UBE2D4: variants seen among roughly 807,000 people sequenced by gnomAD.
UBE2D4 encodes ubiquitin-conjugating enzyme E2 D4.
UBE2D4 carries 17 observed loss-of-function variants against 23.0 expected under a neutral mutation model. The observed-to-expected ratio is 0.74, with a 90% CI of 0.51 to 1.11. The LOEUF (loss-of-function observed/expected upper bound fraction) is 1.11. Among genes scored for constraint, UBE2D4 ranks in the 50% least tolerant of loss-of-function variants. UBE2D4 has a pLI of 0.00. For missense variants in UBE2D4, 139 were observed against 181.8 expected, an observed-to-expected ratio of 0.76 and a Z score of 1.35; for synonymous variants, 61 against 69.4, an observed-to-expected ratio of 0.88 and a Z score of 0.60.
At position 43,949,246 on chromosome 7, in the gene UBE2D4, G is replaced by T. The variant is rs534521981; in HGVS notation, c.304+509G>T. ...ACCAGTCTAAACTGAGCTTAGAAAT[G>T]CAGATATTCCTTCTGAATTAAGATG... is the stretch of plus-strand genomic sequence containing the variant. On this transcript the variant is annotated intron_variant, in intron 5 of 6. Transcript: ENST00000222402. 1.5e-4 allele frequency: 25 copies of T among 163,490 alleles called. No homozygotes were observed. In the South Asian group the frequency reaches 4.2e-3, roughly 27 times the overall value. The allele number at this position is 163,490 out of a possible 1,614,324, so 10.1% of individuals were successfully genotyped here.
chr7:43,936,709 T>C (rs1340660122), intron 1 of UBE2D4, among the ~76,000 whole-genome samples: 1 of 152,226 alleles, frequency 6.6e-6, no homozygotes, highest in Non-Finnish European at 1.5e-5. Flanking sequence ...ACCACTATTA[T>C]CTTGATATTT....
At position 43,944,868 on chromosome 7, in the gene UBE2D4, G is replaced by GGCAT. The variant is rs2095982050; in HGVS notation, c.198+1837_198+1838insGCAT. The GGCAT allele has an allele frequency of 6.6e-6, 1 of 152,204 alleles. No homozygotes were observed. Among genetic ancestry groups the GGCAT allele is most frequent in the Admixed American group, 6.5e-5 (1 of 15,282 alleles). 9.4% of individuals were successfully genotyped at this position (152,204 alleles called of 1,614,324 possible). ...TCTAGCTTGTCTCTTTCATTACTGT[G>GGCAT]TGAGCAGCTGAGGATTTTCCTTAAA... On this transcript the variant is annotated intron_variant, in intron 4 of 6. Coordinates refer to ENST00000222402, the MANE Select transcript of UBE2D4 (RefSeq NM_015983.4). This position sits in a 1 kb window ranked among gnomAD's most constrained non-coding sequence, Gnocchi z 4.0.
In UBE2D4 at chr7:43,954,867, T is replaced by C. The variant is rs1427340559; in HGVS notation, c.*2172T>C. On this transcript the variant is annotated 3_prime_UTR_variant, in exon 7 of 7. Transcript: ENST00000222402. ...GGGAAAATTAAGGCCCAACTTGGTG[T>C]TGGGGAATAACCATACTCTGGTCTT... is the stretch of plus-strand genomic sequence containing the variant. 6.6e-6 allele frequency: 1 copy of C among 152,188 alleles called. No individual in the cohort carries two copies. Among genetic ancestry groups the C allele is most frequent in the Non-Finnish European group, 1.5e-5 (1 of 68,038 alleles). The allele number at this position is 152,188 out of a possible 1,614,324, so 9.4% of individuals were successfully genotyped here.
rs187204892 is a variant in UBE2D4 at position 43,950,837 on chromosome 7, G to A, written c.398+145G>A. 124 of 669,506 alleles carry A rather than the reference G, an allele frequency of 1.9e-4. No individual in the cohort carries two copies. The East Asian group carries it at 3.1e-3, about 17-fold the overall frequency. The allele number at this position is 669,506 out of a possible 1,614,324, so 41.5% of individuals were successfully genotyped here. On this transcript the variant is annotated intron_variant, in intron 6 of 6. Transcript: ENST00000222402. Reference sequence around the variant, plus strand: ...GCTGAGCCATGTGCACAGAGGGTGTGCCCTGGGCTTGGACTCCTGGCTCTC... The same window carrying A: ...GCTGAGCCATGTGCACAGAGGGTGTACCCTGGGCTTGGACTCCTGGCTCTC...
At chr7:43,947,552 A>G (rs535809088) in intron 4 of UBE2D4, among the ~76,000 whole-genome samples, 5 of 152,330 alleles carry the variant, frequency 3.3e-5, no homozygotes, top group South Asian at 4.1e-4. Context: ...TCCATGGTGT[A>G]TATATGCCAC....
At chr7:43,930,949 C>A (rs1359451497) in intron 1 of UBE2D4, among the ~76,000 whole-genome samples, 2 of 151,778 alleles carry the variant, frequency 1.3e-5, no homozygotes, top group African/African-American at 2.4e-5. Context: ...CATGGTGAAA[C>A]CCCATATCCA....
At position 43,926,553 on chromosome 7, in the gene UBE2D4, G is replaced by A. The variant is rs1036144185; in HGVS notation, c.21G>A (p.Gln7=). The change falls in exon 1 of 7, where the codon CAG becomes CAA. Residue 7 remains glutamine (Q), a synonymous_variant. Transcript: ENST00000222402. The stretch of plus-strand genomic sequence containing the variant: ...GTAGGATGGCGCTAAAGCGGATCCA[G>A]AAGGTACGCACTTTCCCACCCTCCA... MALKRI[Q]KELTDLQRDP... The A allele has an allele frequency of 1.3e-6, 2 of 1,570,724 alleles. No individual in the cohort carries two copies. The highest frequency in any genetic ancestry group is 1.7e-6 in the Non-Finnish European group (2 of 1,161,824).
At chr7:43,928,902 C>A (rs761115135) in intron 1 of UBE2D4, among the ~76,000 whole-genome samples, 1 of 152,050 alleles carries the variant, frequency 6.6e-6, no homozygotes, top group Non-Finnish European at 1.5e-5. Context: ...TAAAAGGGAG[C>A]GTTTGGAAAA....
chr7:43,945,809 A>C (rs1328890439), intron 4 of UBE2D4, among the ~76,000 whole-genome samples: 1 of 126,254 alleles, frequency 7.9e-6, no homozygotes, highest in Non-Finnish European at 1.6e-5. Flanking sequence ...TTGAGACGGA[A>C]TCTCGCTCTG....
intron 1 of UBE2D4, 68 bp from the exon 2 acceptor site, chr7:43,938,362 AC>A (rs977218408): frequency 1.9e-5 from 28 of 1,487,646 alleles, no homozygotes; most frequent in Middle Eastern, 2.0e-4. Flanking sequence ...CCTTCCAGCT[AC>A]CAAGATTGGT....
At chr7:43,951,492 T>C (rs1010679167) in intron 6 of UBE2D4, among the ~76,000 whole-genome samples, 3 of 152,236 alleles carry the variant, frequency 2.0e-5, no homozygotes, top group Non-Finnish European at 2.9e-5. Flanking sequence ...TCATTACTCA[T>C]TACTTCTTTT....
intron 5 of UBE2D4, 29 bp downstream of exon 5, chr7:43,948,766 G>T: frequency 6.6e-7 from 1 of 1,517,972 alleles, no homozygotes. Context: ...TGCTCTGTGT[G>T]CTCTTTTACA....
At chr7:43,928,889 T>C (rs994392088) in intron 1 of UBE2D4, among the ~76,000 whole-genome samples, 1 of 152,058 alleles carries the variant, frequency 6.6e-6, no homozygotes, top group Non-Finnish European at 1.5e-5. Flanking sequence ...CTGATAAGAT[T>C]TATAAAAGGG....
intron 1 of UBE2D4, among the ~76,000 whole-genome samples, chr7:43,938,063 A>C (rs894108547): frequency 6.6e-6 from 1 of 152,008 alleles, no homozygotes; most frequent in African/African-American, 2.4e-5. Context: ...CTTTTCTTCC[A>C]TATCTTCAGC....
chr7:43,938,567 G>A, intron 2 of UBE2D4, 73 bp downstream of exon 2: 1 of 1,460,920 alleles, frequency 6.8e-7, no homozygotes, highest in Admixed American at 1.7e-5. Context: ...CAGGTGCGGT[G>A]GCTCACGCCT....
chr7:43,949,054 C>A, intron 5 of UBE2D4: 1 of 428,964 alleles, frequency 2.3e-6, no homozygotes, highest in South Asian at 6.5e-5. Context: ...TATTACATTA[C>A]CTTCTCTGTT....
chr7:43,951,241 T>A (rs1460564005), intron 6 of UBE2D4, among the ~76,000 whole-genome samples: 1 of 152,130 alleles, frequency 6.6e-6, no homozygotes, highest in Non-Finnish European at 1.5e-5. Context: ...ATTGTAAAAT[T>A]CCGACCCCCT....
In UBE2D4 at chr7:43,926,458, G is replaced by T. The variant is rs1455513295; in HGVS notation, c.-75G>T. On this transcript the variant is annotated 5_prime_UTR_variant, in exon 1 of 7. Coordinates refer to ENST00000222402, the MANE Select transcript of UBE2D4 (RefSeq NM_015983.4). ...GCTGCGGCTCCCGGCGTGCAGCTTGGTGGCGGCTGAGCCGGCAGCGGGCCG... is the reference window on the plus strand; with the variant it reads ...GCTGCGGCTCCCGGCGTGCAGCTTGTTGGCGGCTGAGCCGGCAGCGGGCCG... 2 of 1,342,232 alleles carry T rather than the reference G, an allele frequency of 1.5e-6. No individual in the cohort carries two copies. The highest frequency in any genetic ancestry group is 3.1e-5 in the African/African-American group (2 of 64,896). 83.1% of individuals were successfully genotyped at this position (1,342,232 alleles called of 1,614,324 possible).
intron 1 of UBE2D4, chr7:43,927,899 C>G (rs1438118574): frequency 2.9e-6 from 1 of 349,404 alleles, no homozygotes; most frequent in Non-Finnish European, 5.8e-6. Flanking sequence ...AAATTCTTCA[C>G]TAAGTATTTG....
Sources: gnomAD v4.1 joint callset for allele counts (sites outside exome capture counted in the v4.1 genomes callset) on GRCh38, gnomAD v4.1.1 for gene constraint, Gnocchi (gnomAD v3.1) non-coding constraint, MANE v1.5 for transcripts, NCBI Gene and HGNC (gene_info 2026-07-23, HGNC 2026-07-21) for gene names.